Variants in NALF1 observed in about 807,000 individuals in gnomAD.
NALF1 encodes the protein family with sequence similarity 155 member A.
In NALF1, 3 loss-of-function variants were observed where a neutral mutation model predicts 48.4. The observed-to-expected ratio is 0.06, with a 90% CI of 0.03 to 0.16. The LOEUF is 0.16. Among genes scored for constraint, NALF1 ranks in the 10% least tolerant of loss-of-function variants. NALF1 has a pLI of 1.00. For synonymous variants in NALF1, 262 were observed against 245.7 expected, an observed-to-expected ratio of 1.07 and a Z score of -0.62; for missense variants, 526 against 571.5, an observed-to-expected ratio of 0.92 and a Z score of 0.81.
chr13:107,470,484 C>A (rs749875832), intron 1 of NALF1, among the ~76,000 whole-genome samples: 1 of 152,172 alleles, frequency 6.6e-6, no homozygotes, highest in Non-Finnish European at 1.5e-5. Flanking sequence ...CTTTGCATTG[C>A]TCACTTTTGG....
intron 1 of NALF1, among the ~76,000 whole-genome samples, chr13:107,360,856 C>T (rs1407978527): frequency 1.3e-5 from 2 of 151,894 alleles, no homozygotes; most frequent in Admixed American, 6.6e-5. Flanking sequence ...TCTTTCCCTC[C>T]TCCCTCTCTC....
chr13:107,790,439 T>C (rs180736423), intron 1 of NALF1, among the ~76,000 whole-genome samples: 19 of 152,284 alleles, frequency 1.2e-4, no homozygotes, highest in African/African-American at 4.1e-4. Flanking sequence ...GAATAAACTA[T>C]ACATTGTCTA....
At chr13:107,447,242 CCTT>C (rs1347849916) in intron 1 of NALF1, among the ~76,000 whole-genome samples, 8 of 151,974 alleles carry the variant, frequency 5.3e-5, no homozygotes, top group Admixed American at 3.3e-4. Flanking sequence ...TTCCCCTTCT[CCTT>C]CTTCTTTTTG....
At chr13:107,702,184 G>T (rs1881838437) in intron 1 of NALF1, among the ~76,000 whole-genome samples, 1 of 151,978 alleles carries the variant, frequency 6.6e-6, no homozygotes, top group South Asian at 2.1e-4. Flanking sequence ...GTAAATTATG[G>T]TCCTTTCACT....
At chr13:107,285,262 A>T (rs570979402) in intron 1 of NALF1, among the ~76,000 whole-genome samples, 2 of 152,320 alleles carry the variant, frequency 1.3e-5, no homozygotes, top group East Asian at 3.9e-4. Context: ...AGCTGCTTGC[A>T]CTTTCATGAC....
At chr13:107,730,800 T>A (rs1396855360) in intron 1 of NALF1, among the ~76,000 whole-genome samples, 2 of 152,184 alleles carry the variant, frequency 1.3e-5, no homozygotes, top group African/African-American at 4.8e-5. Context: ...AGTAACAGTC[T>A]CAAATAAGTG....
intron 1 of NALF1, among the ~76,000 whole-genome samples, chr13:107,230,341 A>G (rs1391124116): frequency 6.6e-6 from 1 of 152,082 alleles, no homozygotes; most frequent in Admixed American, 6.5e-5. Flanking sequence ...TCTCTCCCTC[A>G]TCTCTATACT....
At chr13:107,745,787 T>C (rs1157277108) in intron 1 of NALF1, among the ~76,000 whole-genome samples, 1 of 152,186 alleles carries the variant, frequency 6.6e-6, no homozygotes, top group African/African-American at 2.4e-5. Context: ...GACCTCATCA[T>C]GCTGTTCTCA....
chr13:107,737,033 C>T (rs1876487759), intron 1 of NALF1, among the ~76,000 whole-genome samples: 1 of 152,166 alleles, frequency 6.6e-6, no homozygotes, highest in South Asian at 2.1e-4. Context: ...TTTATCTGTT[C>T]AACCAATTTG....
At chr13:107,746,720 G>C (rs769767507) in intron 1 of NALF1, among the ~76,000 whole-genome samples, 5 of 152,128 alleles carry the variant, frequency 3.3e-5, no homozygotes, top group African/African-American at 7.2e-5. Context: ...ACTTTTAAAA[G>C]GGCCTTCAGC....
At chr13:107,651,445 T>C (rs12876572) in intron 1 of NALF1, among the ~76,000 whole-genome samples, 44,424 of 152,158 alleles carry the variant, frequency 0.29, 6,855 homozygotes, top group African/African-American at 0.35. Context: ...CCTAGAGACT[T>C]GAGTTGCCTC....
At chr13:107,711,769 T>C (rs1311032379) in intron 1 of NALF1, among the ~76,000 whole-genome samples, 1 of 152,214 alleles carries the variant, frequency 6.6e-6, no homozygotes, top group Non-Finnish European at 1.5e-5. Flanking sequence ...AACAGCATTC[T>C]CAAGACTACT....
intron 1 of NALF1, among the ~76,000 whole-genome samples, chr13:107,382,334 A>T (rs912487791): frequency 6.6e-6 from 1 of 152,234 alleles, no homozygotes; most frequent in Non-Finnish European, 1.5e-5. Flanking sequence ...CTCAGTGAAA[A>T]GAGGGGTTTG....
chr13:107,178,858 T>A lies in NALF1; in HGVS notation c.1088-8072A>T, dbSNP rs367987515. ...TACTCGGGAGGCTGAGTCAGGAGAA[T>A]GGCGTGAACCCAGGAGGCGGAGCTT... On this transcript the variant is annotated intron_variant, in intron 2 of 2. Coordinates refer to ENST00000375915, the MANE Select transcript of NALF1 (RefSeq NM_001080396.3). Among the ~76,000 whole-genome samples the A allele has an allele frequency of 2.5e-3, 372 of 151,428 alleles. 2 individuals carry two copies. Among genetic ancestry groups the A allele is most frequent in the African/African-American group, 8.4e-3 (347 of 41,236 alleles).
chr13:107,463,720 T>C (rs1004286207), intron 1 of NALF1, among the ~76,000 whole-genome samples: 2 of 152,196 alleles, frequency 1.3e-5, no homozygotes, highest in Admixed American at 6.5e-5. Flanking sequence ...GCAGACAACA[T>C]CCACAGATTA....
At chr13:107,211,944 AG>A (rs1879770884) in intron 1 of NALF1, among the ~76,000 whole-genome samples, 1 of 152,242 alleles carries the variant, frequency 6.6e-6, no homozygotes, top group African/African-American at 2.4e-5. Flanking sequence ...ATTAAGTAAT[AG>A]TACTATTAGG....
intron 1 of NALF1, among the ~76,000 whole-genome samples, chr13:107,565,837 G>C (rs1877795163): frequency 6.6e-6 from 1 of 152,066 alleles, no homozygotes; most frequent in African/African-American, 2.4e-5. Flanking sequence ...GCCAATTTCT[G>C]AATTTTCCTA....
chr13:107,656,015 C>T (rs1403130461), intron 1 of NALF1, among the ~76,000 whole-genome samples: 5 of 151,832 alleles, frequency 3.3e-5, no homozygotes, highest in African/African-American at 1.2e-4. Context: ...CAACTCAAGA[C>T]GGATCAAAGA....
intron 1 of NALF1, among the ~76,000 whole-genome samples, chr13:107,249,849 C>G (rs571762768): frequency 1.3e-5 from 2 of 152,184 alleles, no homozygotes; most frequent in Admixed American, 6.5e-5. Context: ...TGTTGACTAT[C>G]AATTAATCAC....
Sources: gnomAD v4.1 joint callset for allele counts (sites outside exome capture counted in the v4.1 genomes callset) on GRCh38, gnomAD v4.1.1 for gene constraint, MANE v1.5 for transcripts, NCBI Gene and HGNC (gene_info 2026-07-23, HGNC 2026-07-21) for gene names.